The following CSMD1 variants were observed in gnomAD, a reference collection of about 807,000 sequenced individuals.
CSMD1 encodes CUB and sushi domain-containing protein 1.
In CSMD1, 213 loss-of-function variants were observed where a neutral mutation model predicts 417.5. The ratio of observed to expected loss-of-function variants is 0.51; its 90% CI spans 0.46 to 0.57. The LOEUF is 0.57. Ranked by LOEUF, CSMD1 falls within the 20% of genes least tolerant of loss-of-function variation. CSMD1 has a pLI of 0.00. For synonymous variants in CSMD1, 2,862 were observed against 1,736.8 expected, an observed-to-expected ratio of 1.65 and a Z score of -16.11; for missense variants, 6,923 against 4,529.7, an observed-to-expected ratio of 1.53 and a Z score of -15.17.
chr8:3,547,938 A>C (rs1798744975), intron 10 of CSMD1, among the ~76,000 whole-genome samples: 1 of 152,228 alleles, frequency 6.6e-6, no homozygotes, highest in African/African-American at 2.4e-5. Flanking sequence ...TGATGTCATA[A>C]AGTAGAAATT....
intron 20 of CSMD1, among the ~76,000 whole-genome samples, chr8:3,361,793 A>G (rs1809200526): frequency 6.6e-6 from 1 of 152,088 alleles, no homozygotes; most frequent in East Asian, 1.9e-4. Flanking sequence ...TATTTTTACT[A>G]TATATTGTAG....
intron 1 of CSMD1, among the ~76,000 whole-genome samples, chr8:4,676,182 C>A (rs1183522049): frequency 2.0e-5 from 3 of 152,076 alleles, no homozygotes; most frequent in Non-Finnish European, 4.4e-5. Context: ...GGTCATAGAC[C>A]CTGACCTAGG....
At chr8:3,454,105 G>C (rs951879547) in intron 12 of CSMD1, among the ~76,000 whole-genome samples, 4 of 152,112 alleles carry the variant, frequency 2.6e-5, no homozygotes, top group African/African-American at 4.8e-5. Context: ...TTGGTTTAAA[G>C]TCTGTTTTAT....
At chr8:4,575,527 G>C (rs888959075) in intron 2 of CSMD1, among the ~76,000 whole-genome samples, 2 of 152,144 alleles carry the variant, frequency 1.3e-5, no homozygotes, top group African/African-American at 2.4e-5. Context: ...CCAGAGTGCA[G>C]AAGGGAGAGC....
At chr8:4,684,744 A>G (rs1468207627) in intron 1 of CSMD1, among the ~76,000 whole-genome samples, 1 of 152,232 alleles carries the variant, frequency 6.6e-6, no homozygotes, top group African/African-American at 2.4e-5. Flanking sequence ...ATTTTGAACT[A>G]TAAATAATTA....
At chr8:3,262,611 A>C (rs558484901) in intron 26 of CSMD1, among the ~76,000 whole-genome samples, 9 of 152,274 alleles carry the variant, frequency 5.9e-5, no homozygotes, top group African/African-American at 2.2e-4. Flanking sequence ...GTGAAAGATT[A>C]TAGTCAGTGG....
intron 1 of CSMD1, among the ~76,000 whole-genome samples, chr8:4,982,510 T>G (rs2977728): frequency 0.2 from 30,504 of 152,192 alleles, 4,348 homozygotes; most frequent in African/African-American, 0.4. Flanking sequence ...AAAAAGTGGC[T>G]CAAATCTCTT....
intron 12 of CSMD1, among the ~76,000 whole-genome samples, chr8:3,460,248 G>C (rs551690434): frequency 2.6e-5 from 4 of 152,154 alleles, no homozygotes; most frequent in East Asian, 1.9e-4. Context: ...TGAGTCCATA[G>C]AAGAATGATC....
chr8:4,524,762 T>C (rs537780122), intron 2 of CSMD1, among the ~76,000 whole-genome samples: 1 of 152,282 alleles, frequency 6.6e-6, no homozygotes, highest in Admixed American at 6.5e-5. Context: ...TACATGATTC[T>C]ATCGACAAAG....
At chr8:3,335,473 A>T (rs1270541226) in intron 23 of CSMD1, among the ~76,000 whole-genome samples, 4 of 152,226 alleles carry the variant, frequency 2.6e-5, no homozygotes, top group Middle Eastern at 3.4e-3. Context: ...AGGTCGGGAG[A>T]TCGAGACCAG....
At chr8:3,025,575 G>A (rs781397775) in intron 51 of CSMD1, among the ~76,000 whole-genome samples, 15 of 152,280 alleles carry the variant, frequency 9.9e-5, no homozygotes, top group Admixed American at 3.3e-4. Flanking sequence ...TTCTTTTAGC[G>A]GTCAACAAGC....
At chr8:3,599,508 A>G (rs1039979295) in intron 8 of CSMD1, among the ~76,000 whole-genome samples, 4 of 152,094 alleles carry the variant, frequency 2.6e-5, no homozygotes, top group Middle Eastern at 3.2e-3. Flanking sequence ...AGTAACCCCA[A>G]CACAGCATTA....
chr8:4,795,684 T>C (rs1197111823), intron 1 of CSMD1, among the ~76,000 whole-genome samples: 1 of 152,172 alleles, frequency 6.6e-6, no homozygotes, highest in African/African-American at 2.4e-5. Context: ...AATTATCTTC[T>C]GTGAACTGGG....
intron 41 of CSMD1, among the ~76,000 whole-genome samples, chr8:3,122,495 T>C (rs1817264858): frequency 6.6e-6 from 1 of 152,200 alleles, no homozygotes; most frequent in Non-Finnish European, 1.5e-5. Flanking sequence ...TGACGTGGTA[T>C]GGCTGTGTCC....
intron 23 of CSMD1, among the ~76,000 whole-genome samples, chr8:3,312,325 C>A (rs529424150): frequency 2.0e-4 from 30 of 152,148 alleles, no homozygotes; most frequent in Middle Eastern, 3.4e-3. Context: ...TCCTTTTTTT[C>A]TGATGCCTTT....
rs778184938 is a variant in CSMD1 at position 4,010,856 on chromosome 8, G to A, written c.611-12746C>T. Among the ~76,000 whole-genome samples, 56 of 152,108 alleles carry A rather than the reference G, an allele frequency of 3.7e-4. 1 individual carries two copies. Among genetic ancestry groups the A allele is most frequent in the African/African-American group, 1.3e-3 (53 of 41,392 alleles). ...CAAGTCCACTTTTATATCCTTGCAG[G>A]TAAAACAGCTGGAGGAATTCCAAAA... On this transcript the variant is annotated intron_variant, in intron 4 of 69. Transcript: ENST00000635120.
intron 11 of CSMD1, among the ~76,000 whole-genome samples, chr8:3,473,736 G>T (rs1368261737): frequency 6.6e-6 from 1 of 152,112 alleles, no homozygotes; most frequent in African/African-American, 2.4e-5. Context: ...TCCTAGCAGG[G>T]GTGGTGTCTG....
intron 2 of CSMD1, among the ~76,000 whole-genome samples, chr8:4,584,348 A>G (rs575661896): frequency 3.1e-4 from 47 of 152,080 alleles, no homozygotes; most frequent in South Asian, 2.1e-4. Flanking sequence ...GCCAATCGCC[A>G]AGCAGTGAGT....
intron 2 of CSMD1, among the ~76,000 whole-genome samples, chr8:4,457,579 C>A (rs1449012600): frequency 6.6e-6 from 1 of 152,008 alleles, no homozygotes; most frequent in Admixed American, 6.6e-5. Flanking sequence ...TGTCTCTGAG[C>A]TTCAAATGCA....
Sources: gnomAD v4.1 joint callset for allele counts (sites outside exome capture counted in the v4.1 genomes callset) on GRCh38, gnomAD v4.1.1 for gene constraint, MANE v1.5 for transcripts, NCBI Gene and HGNC (gene_info 2026-07-23, HGNC 2026-07-21) for gene names.